Variants in SRP54 observed in about 807,000 individuals in gnomAD.
SRP54 encodes the protein signal recognition particle 54.
A neutral mutation model predicts 64.8 loss-of-function variants in SRP54; 10 were observed. The observed-to-expected ratio is 0.15, with a 90% CI of 0.10 to 0.26. The LOEUF (loss-of-function observed/expected upper bound fraction) is 0.26, where lower values mean the gene tolerates loss of function less well. Ranked by LOEUF, SRP54 falls within the 10% of genes least tolerant of loss-of-function variation. The pLI is 1.00. For missense variants in SRP54, 325 were observed against 613.7 expected, an observed-to-expected ratio of 0.53 and a Z score of 4.97; for synonymous variants, 193 against 185.6, an observed-to-expected ratio of 1.04 and a Z score of -0.32.
At chr14:34,990,288 G>A (rs1016414660) in intron 1 of SRP54, among the ~76,000 whole-genome samples, 3 of 152,192 alleles carry the variant, frequency 2.0e-5, no homozygotes, top group African/African-American at 4.8e-5. Flanking sequence ...TGATTAAAAT[G>A]TGATTTCTTC....
rs1343832625 is a variant in SRP54 at position 35,001,027 on chromosome 14, G to C, written c.255+7G>C. ...ATTTAAAGAACTTGTGAAGGTAAAAGTATATGAAGATTATGCTGTGATTCT... is the reference window on the plus strand; with the variant it reads ...ATTTAAAGAACTTGTGAAGGTAAAACTATATGAAGATTATGCTGTGATTCT... On this transcript the variant is annotated splice_region_variant and intron_variant, in intron 4 of 15. Transcript: ENST00000216774. The C allele has an allele frequency of 6.7e-7, 1 of 1,500,914 alleles. No homozygotes were observed. Among genetic ancestry groups the C allele is most frequent in the African/African-American group, 1.4e-5 (1 of 71,702 alleles). 93.0% of individuals were successfully genotyped at this position (1,500,914 alleles called of 1,614,324 possible).
In SRP54 at chr14:34,991,109, CTTTTTTTTT is replaced by C. The variant is rs71435838; in HGVS notation, c.-33-5556_-33-5548del. ...CCCTTGTGCAGGTTAAATTTCTTTT[CTTTTTTTTT>C]TTTTTTTTTTTGTTGTTGTTGTTGT... On this transcript the variant is annotated intron_variant, in intron 1 of 15. Transcript: ENST00000216774. Among the ~76,000 whole-genome samples, 899 of 111,068 alleles carry C rather than the reference CTTTTTTTTT, an allele frequency of 8.1e-3. 14 individuals carry two copies. The highest frequency in any genetic ancestry group is 0.028 in the African/African-American group (863 of 30,412). The allele number at this position is 111,068 out of a possible 152,430, so 72.9% of individuals were successfully genotyped here.
intron 11 of SRP54, among the ~76,000 whole-genome samples, chr14:35,016,265 A>T (rs2044437047): frequency 6.6e-6 from 1 of 152,168 alleles, no homozygotes; most frequent in South Asian, 2.1e-4. Context: ...AAAACTGCAA[A>T]TCTGATCCCA....
chr14:35,001,991 A>G (rs2044180744), intron 4 of SRP54, among the ~76,000 whole-genome samples: 1 of 151,974 alleles, frequency 6.6e-6, no homozygotes, highest in Non-Finnish European at 1.5e-5. Flanking sequence ...GCTTGAGGCC[A>G]GGAGTTTGAG....
At chr14:35,009,038 C>G (rs1407669426) in intron 7 of SRP54, among the ~76,000 whole-genome samples, 2 of 151,934 alleles carry the variant, frequency 1.3e-5, no homozygotes, top group African/African-American at 4.8e-5. Context: ...AGGTGCCCAC[C>G]ACCATGCCCA....
At chr14:34,985,388 A>G (rs2043879000) in intron 1 of SRP54, among the ~76,000 whole-genome samples, 1 of 152,144 alleles carries the variant, frequency 6.6e-6, no homozygotes, top group Non-Finnish European at 1.5e-5. Flanking sequence ...ATCACTAGCC[A>G]TCTGGTTATA....
chr14:34,989,582 A>T (rs932142592), intron 1 of SRP54, among the ~76,000 whole-genome samples: 2 of 152,212 alleles, frequency 1.3e-5, no homozygotes, highest in African/African-American at 4.8e-5. Context: ...AGGAATATTT[A>T]TAATTGTTTA....
chr14:35,023,470 T>A (rs2044569439), intron 14 of SRP54, among the ~76,000 whole-genome samples: 1 of 152,050 alleles, frequency 6.6e-6, no homozygotes, highest in Non-Finnish European at 1.5e-5. Context: ...TGTTTTTCCA[T>A]GTTGTCAAAT....
At chr14:35,016,995 C>T (rs2044454549) in intron 11 of SRP54, among the ~76,000 whole-genome samples, 2 of 152,128 alleles carry the variant, frequency 1.3e-5, no homozygotes, top group Admixed American at 6.6e-5. Flanking sequence ...GCTGGGACTA[C>T]AGGCATGCAC....
chr14:34,992,841 G>C (rs938458201), intron 1 of SRP54, among the ~76,000 whole-genome samples: 1 of 148,572 alleles, frequency 6.7e-6, no homozygotes, highest in African/African-American at 2.5e-5. Flanking sequence ...CCCCCAAAAA[G>C]TTAACTAGTA....
chr14:34,988,597 C>T (rs1223683854), intron 1 of SRP54, among the ~76,000 whole-genome samples: 34 of 77,920 alleles, frequency 4.4e-4, no homozygotes, highest in Non-Finnish European at 9.0e-4. Flanking sequence ...ATATATATAA[C>T]ATATATATAT....
intron 1 of SRP54, among the ~76,000 whole-genome samples, chr14:34,991,881 G>C (rs902759840): frequency 2.0e-5 from 3 of 152,064 alleles, no homozygotes; most frequent in African/African-American, 7.2e-5. Flanking sequence ...GTAAGTTAAA[G>C]GTATTATTAG....
intron 14 of SRP54, among the ~76,000 whole-genome samples, chr14:35,025,889 C>A (rs2044612691): frequency 6.6e-6 from 1 of 151,762 alleles, no homozygotes. Flanking sequence ...AGTTAATGCC[C>A]CTTTCAAATA....
intron 10 of SRP54, among the ~76,000 whole-genome samples, 154 bp downstream of exon 10, chr14:35,014,056 C>G (rs1183865648): frequency 1.3e-5 from 2 of 152,040 alleles, no homozygotes; most frequent in Non-Finnish European, 2.9e-5. Flanking sequence ...TAATGGTTAT[C>G]TGCCCTCTGT....
At chr14:34,993,419 A>G (rs768166533) in intron 1 of SRP54, 1 of 152,210 alleles carries the variant, frequency 6.6e-6, no homozygotes. Context: ...TTAAGTAACA[A>G]TGTAATTGTA....
At chr14:35,017,317 A>G (rs1294012856) in intron 11 of SRP54, among the ~76,000 whole-genome samples, 1 of 152,108 alleles carries the variant, frequency 6.6e-6, no homozygotes, top group Non-Finnish European at 1.5e-5. Context: ...GAGATCTCCA[A>G]GGGTCTCCTA....
Position 35,011,472 on chromosome 14 carries a change from T to C in SRP54, c.486-37T>C, listed in dbSNP as rs1313663911. The C allele has an allele frequency of 5.8e-6, 8 of 1,377,100 alleles. No homozygotes were observed. The East Asian group carries it at 1.8e-4, about 30-fold the overall frequency. The allele number at this position is 1,377,100 out of a possible 1,614,324, so 85.3% of individuals were successfully genotyped here. On this transcript the variant is annotated intron_variant, in intron 7 of 15. Transcript: ENST00000216774. ...TCCGAATTAGTAGTATTTGGAAGTT[T>C]TGTCGTTTTGTTAAATCATTTGTCC...
intron 1 of SRP54, among the ~76,000 whole-genome samples, chr14:34,984,873 T>A (rs2043869344): frequency 6.6e-6 from 1 of 151,728 alleles, no homozygotes; most frequent in Admixed American, 6.6e-5. Context: ...TGCAAACTCA[T>A]TAGGTCCAAA....
intron 1 of SRP54, among the ~76,000 whole-genome samples, chr14:34,992,543 A>C (rs1566642289): frequency 1.3e-5 from 2 of 152,218 alleles, no homozygotes; most frequent in Non-Finnish European, 2.9e-5. Context: ...TCAGAAACAG[A>C]AAATCAAGTA....
Sources: gnomAD v4.1 joint callset for allele counts (sites outside exome capture counted in the v4.1 genomes callset) on GRCh38, gnomAD v4.1.1 for gene constraint, MANE v1.5 for transcripts, NCBI Gene and HGNC (gene_info 2026-07-23, HGNC 2026-07-21) for gene names.